Variants in GIPC2 observed in about 807,000 individuals in gnomAD.
GIPC2 encodes the protein PDZ domain-containing protein GIPC2.
GIPC2 carries 30 observed loss-of-function variants against 30.6 expected under a neutral mutation model. The ratio of observed to expected loss-of-function variants is 0.98; its 90% CI spans 0.73 to 1.33. The LOEUF (loss-of-function observed/expected upper bound fraction) is 1.33. Among genes scored for constraint, GIPC2 ranks in the 40% most tolerant of loss-of-function variants. The pLI, the probability that GIPC2 is intolerant of heterozygous loss-of-function variation, is 0.00. For missense variants in GIPC2, 414 were observed against 390.3 expected (o/e 1.06, Z -0.51); for synonymous variants, 167 against 150.0 (o/e 1.11, Z -0.83).
At chr1:78,126,786 C>T (rs1332564720) in intron 5 of GIPC2, among the ~76,000 whole-genome samples, 1 of 152,180 alleles carries the variant, frequency 6.6e-6, no homozygotes, top group African/African-American at 2.4e-5. Context: ...TGGCATCAAG[C>T]ACAATGAGAA....
At position 78,120,479 on chromosome 1, in the gene GIPC2, C is replaced by T. The variant is rs560013838; in HGVS notation, c.714+980C>T. Among the ~76,000 whole-genome samples the T allele has an allele frequency of 3.9e-5, 6 of 152,342 alleles. No homozygotes were observed. The East Asian group carries it at 1.2e-3, about 29-fold the overall frequency. The stretch of plus-strand genomic sequence containing the variant: ...GTATAAACAGCAACTCCCTCCACCC[C>T]TCCCACTGCCCACTCTTCCATGTCC... On this transcript the variant is annotated intron_variant, in intron 4 of 5. Transcript: ENST00000370759.
chr1:78,046,067 G>T lies in GIPC2; in HGVS notation c.-28G>T. The T allele has an allele frequency of 7.1e-7, 1 of 1,410,080 alleles. No individual in the cohort carries two copies. The highest frequency in any genetic ancestry group is 9.2e-7 in the Non-Finnish European group (1 of 1,085,342). 87.3% of individuals were successfully genotyped at this position (1,410,080 alleles called of 1,614,324 possible). A position where few individuals can be genotyped will look rare whatever the true frequency, so the allele number is the denominator to read the frequency against. On this transcript the variant is annotated 5_prime_UTR_variant, in exon 1 of 6. The change creates a new upstream start codon in the 5' untranslated region. Transcript: ENST00000370759. ...GGAGGAGGCGGCGGACGGCAGCGCA[G>T]GTGGGCCCGCGCTCTCGGCCCTGCA... is the stretch of plus-strand genomic sequence containing the variant.
At chr1:78,065,785 A>AT (rs1661495730) in intron 1 of GIPC2, among the ~76,000 whole-genome samples, 2 of 152,150 alleles carry the variant, frequency 1.3e-5, no homozygotes, top group African/African-American at 4.8e-5. Context: ...CCTGACAAAA[A>AT]CAATAGGGAA....
At chr1:78,050,742 G>C (rs540486088) in intron 1 of GIPC2, among the ~76,000 whole-genome samples, 4 of 150,848 alleles carry the variant, frequency 2.7e-5, no homozygotes, top group Admixed American at 2.0e-4. Context: ...TCATGCCATT[G>C]TCCTGCCTCA....
intron 4 of GIPC2, among the ~76,000 whole-genome samples, chr1:78,121,421 T>C (rs1441862919): frequency 6.6e-6 from 1 of 152,000 alleles, no homozygotes; most frequent in African/African-American, 2.4e-5. Flanking sequence ...AGATGAACAG[T>C]TTTGAGGCTG....
chr1:78,055,266 A>G (rs1048592008), intron 1 of GIPC2, among the ~76,000 whole-genome samples: 1 of 152,110 alleles, frequency 6.6e-6, no homozygotes, highest in Non-Finnish European at 1.5e-5. Flanking sequence ...CTCATGACCC[A>G]GTCACCTCCC....
chr1:78,103,395 C>T (rs1273991655), intron 3 of GIPC2, among the ~76,000 whole-genome samples: 2 of 152,048 alleles, frequency 1.3e-5, no homozygotes, highest in Admixed American at 6.6e-5. Flanking sequence ...GTTTACTTAC[C>T]CATAAAGTAT....
intron 5 of GIPC2, among the ~76,000 whole-genome samples, chr1:78,130,825 T>C (rs1662879972): frequency 6.6e-6 from 1 of 152,232 alleles, no homozygotes; most frequent in Admixed American, 6.5e-5. Flanking sequence ...AAATATCTTA[T>C]ATTTAAAAGT....
At chr1:78,053,997 A>G (rs1224919005) in intron 1 of GIPC2, among the ~76,000 whole-genome samples, 10 of 152,146 alleles carry the variant, frequency 6.6e-5, no homozygotes, top group Non-Finnish European at 1.5e-5. Context: ...AATGTCTCAT[A>G]TTCCTGTCTG....
intron 2 of GIPC2, among the ~76,000 whole-genome samples, chr1:78,086,073 T>G (rs1661923824): frequency 6.6e-6 from 1 of 152,162 alleles, no homozygotes; most frequent in African/African-American, 2.4e-5. Flanking sequence ...TGCTATAAGT[T>G]TCCCTCTTAA....
intron 2 of GIPC2, among the ~76,000 whole-genome samples, chr1:78,090,198 A>T (rs1263692325): frequency 2.0e-5 from 3 of 152,022 alleles, no homozygotes; most frequent in African/African-American, 7.3e-5. Context: ...TAATTTACTT[A>T]CTTACTTATT....
chr1:78,072,025 T>G (rs1426031672), intron 1 of GIPC2, among the ~76,000 whole-genome samples: 1 of 152,040 alleles, frequency 6.6e-6, no homozygotes, highest in Non-Finnish European at 1.5e-5. Context: ...CACCCTGGAG[T>G]TGGACAACCA....
intron 2 of GIPC2, among the ~76,000 whole-genome samples, chr1:78,093,125 A>T (rs555072748): frequency 6.6e-6 from 1 of 152,366 alleles, no homozygotes; most frequent in African/African-American, 2.4e-5. Flanking sequence ...AAGATGTATC[A>T]AGAGATAAAT....
At chr1:78,061,778 G>A (rs1292022586) in intron 1 of GIPC2, among the ~76,000 whole-genome samples, 7 of 151,952 alleles carry the variant, frequency 4.6e-5, no homozygotes, top group Non-Finnish European at 1.0e-4. Context: ...CACCATGCCC[G>A]GCTAATTTTT....
At chr1:78,094,122 C>G (rs1662093763) in intron 2 of GIPC2, among the ~76,000 whole-genome samples, 1 of 152,154 alleles carries the variant, frequency 6.6e-6, no homozygotes, top group Admixed American at 6.6e-5. Flanking sequence ...AAAATGATAA[C>G]CATACTTATC....
At chr1:78,113,272 A>C (rs541352517) in intron 3 of GIPC2, among the ~76,000 whole-genome samples, 8 of 152,256 alleles carry the variant, frequency 5.3e-5, no homozygotes, top group African/African-American at 1.9e-4. Context: ...TTTTCTTTTC[A>C]ATCATGGTTC....
intron 4 of GIPC2, among the ~76,000 whole-genome samples, chr1:78,119,860 A>G (rs1171805530): frequency 6.6e-6 from 1 of 152,208 alleles, no homozygotes; most frequent in Non-Finnish European, 1.5e-5. Context: ...CTCTTCTCAC[A>G]TAAAACACCT....
intron 1 of GIPC2, among the ~76,000 whole-genome samples, chr1:78,050,158 AGTGAGCTGGGATTACCGAC>A (rs1661169638): frequency 6.6e-6 from 1 of 151,790 alleles, no homozygotes; most frequent in Non-Finnish European, 1.5e-5. Context: ...GGCCTCCCAA[AGTGAGCTGGGATTACCGAC>A]GTGAGCTACT....
intron 5 of GIPC2, among the ~76,000 whole-genome samples, chr1:78,128,077 C>T (rs1445960067): frequency 6.6e-6 from 1 of 152,170 alleles, no homozygotes; most frequent in Admixed American, 6.5e-5. Flanking sequence ...TTCCTTGCTC[C>T]TTGGAGAAAA....
Sources: gnomAD v4.1 joint callset for allele counts (sites outside exome capture counted in the v4.1 genomes callset) on GRCh38, gnomAD v4.1.1 for gene constraint, MANE v1.5 for transcripts, NCBI Gene and HGNC (gene_info 2026-07-23, HGNC 2026-07-21) for gene names.